Variants in SYTL3 observed in about 807,000 individuals in gnomAD.
SYTL3 encodes the protein synaptotagmin-like protein 3.
In SYTL3, 88 loss-of-function variants were observed where a neutral mutation model predicts 82.1. That is an observed-to-expected ratio of 1.07 (90% CI 0.90 to 1.28). SYTL3 has a LOEUF of 1.28. Ranked by LOEUF, SYTL3 falls within the 50% of genes most tolerant of loss-of-function variation. The probability of loss-of-function intolerance (pLI) is 0.00; values close to 1 mark genes in which losing one functional copy is unlikely to be tolerated. For missense variants in SYTL3, 831 were observed against 757.6 expected, an observed-to-expected ratio of 1.10 and a Z score of -1.14; for synonymous variants, 311 against 289.4, an observed-to-expected ratio of 1.07 and a Z score of -0.76.
intron 2 of SYTL3, among the ~76,000 whole-genome samples, chr6:158,657,238 C>T (rs562839830): frequency 1.8e-4 from 28 of 152,026 alleles, no homozygotes; most frequent in Non-Finnish European, 2.2e-4. Context: ...CCAGTCTGGC[C>T]AACATGGTGA....
chr6:158,689,437 C>T (rs1002377480), intron 6 of SYTL3, among the ~76,000 whole-genome samples: 10 of 152,216 alleles, frequency 6.6e-5, no homozygotes, highest in African/African-American at 1.4e-4. Flanking sequence ...TATGTGAAGG[C>T]GATTAGTCCT....
chr6:158,745,750 T>TAAAA, intron 12 of SYTL3, 92 bp downstream of exon 12: 6 of 799,708 alleles, frequency 7.5e-6, no homozygotes, highest in Non-Finnish European at 8.9e-6. Flanking sequence ...AGACAATTAT[T>TAAAA]AAAAAAAAAA....
intron 6 of SYTL3, among the ~76,000 whole-genome samples, chr6:158,698,387 ACT>A (rs1780788698): frequency 8.5e-6 from 1 of 117,430 alleles, no homozygotes; most frequent in South Asian, 3.1e-4. Context: ...ACAGAGTGAG[ACT>A]CTGTCTCAAA....
At chr6:158,757,533 A>G (rs1789292728) in intron 14 of SYTL3, 152 bp downstream of exon 14, 1 of 863,036 alleles carries the variant, frequency 1.2e-6, no homozygotes, top group South Asian at 1.7e-5. Flanking sequence ...TGAAATAGTT[A>G]CTTTCTTGTG....
At chr6:158,655,737 G>A (rs1010998875) in intron 2 of SYTL3, among the ~76,000 whole-genome samples, 1 of 152,174 alleles carries the variant, frequency 6.6e-6, no homozygotes, top group Admixed American at 6.5e-5. Context: ...TAGCACCGCC[G>A]TGAAGTGGGT....
At chr6:158,764,080 G>T (rs1009539723) in intron 17 of SYTL3, among the ~76,000 whole-genome samples, 1 of 152,232 alleles carries the variant, frequency 6.6e-6, no homozygotes, top group Non-Finnish European at 1.5e-5. Flanking sequence ...CTGCTCCATT[G>T]CTTTTCAAAG....
intron 5 of SYTL3, among the ~76,000 whole-genome samples, chr6:158,673,743 C>T (rs924328338): frequency 6.6e-6 from 1 of 151,186 alleles, no homozygotes; most frequent in African/African-American, 2.4e-5. Flanking sequence ...CCGCCAGGAA[C>T]AGCTTTGAAG....
intron 11 of SYTL3, among the ~76,000 whole-genome samples, chr6:158,739,105 C>G (rs1786589572): frequency 6.6e-6 from 1 of 152,246 alleles, no homozygotes; most frequent in South Asian, 2.1e-4. Context: ...TGTGTCTCAT[C>G]TAAATAGCAC....
chr6:158,702,618 C>A (rs1781448487), intron 6 of SYTL3, among the ~76,000 whole-genome samples: 1 of 152,028 alleles, frequency 6.6e-6, no homozygotes, highest in African/African-American at 2.4e-5. Flanking sequence ...TCGTTTCCCC[C>A]CGGCTTTGTA....
chr6:158,708,436 TAGA>T, intron 8 of SYTL3, 45 bp downstream of exon 8: 1 of 1,567,690 alleles, frequency 6.4e-7, no homozygotes, highest in African/African-American at 1.4e-5. Context: ...GGTCAGGGGA[TAGA>T]AGGAGAGGAA....
At chr6:158,751,805 A>T in intron 12 of SYTL3, 123 bp from the exon 13 acceptor site, 1 of 715,710 alleles carries the variant, frequency 1.4e-6, no homozygotes, top group Non-Finnish European at 2.2e-6. Flanking sequence ...CTATCAACCC[A>T]AAAATTCCAG....
chr6:158,684,034 G>A (rs929532284), intron 6 of SYTL3, among the ~76,000 whole-genome samples: 3 of 152,174 alleles, frequency 2.0e-5, no homozygotes, highest in African/African-American at 7.2e-5. Flanking sequence ...AGGAGAGAAG[G>A]GTGAATCAGG....
At chr6:158,716,223 C>T (rs939018557) in intron 9 of SYTL3, among the ~76,000 whole-genome samples, 1 of 152,218 alleles carries the variant, frequency 6.6e-6, no homozygotes, top group African/African-American at 2.4e-5. Context: ...CAGAAGCAAT[C>T]TGCATTTCTT....
chr6:158,725,829 A>T (rs2128481430), intron 11 of SYTL3, 192 bp downstream of exon 11: 1 of 808,646 alleles, frequency 1.2e-6, no homozygotes, highest in East Asian at 2.5e-5. Flanking sequence ...CGTTATCCTC[A>T]GGCCTGTGTC....
At chr6:158,756,310 G>C (rs570453205) in intron 13 of SYTL3, among the ~76,000 whole-genome samples, 1 of 152,386 alleles carries the variant, frequency 6.6e-6, no homozygotes, top group Admixed American at 6.5e-5. Context: ...TGCCAAGCCA[G>C]CACAGGCCCT....
intron 10 of SYTL3, among the ~76,000 whole-genome samples, chr6:158,719,744 C>T (rs1783847390): frequency 6.6e-6 from 1 of 152,190 alleles, no homozygotes; most frequent in African/African-American, 2.4e-5. Context: ...TTCTTACCTA[C>T]TTCATCACAT....
In SYTL3 at chr6:158,732,953, A is replaced by AG. The variant is rs1169445097; in HGVS notation, c.855+7317dup. Among the ~76,000 whole-genome samples, 56 of 116,858 alleles carry AG rather than the reference A, an allele frequency of 4.8e-4. No homozygotes were observed. In the Middle Eastern group the frequency reaches 0.02, roughly 42 times the overall value. The allele number at this position is 116,858 out of a possible 152,430, so 76.7% of individuals were successfully genotyped here. On this transcript the variant is annotated intron_variant, in intron 11 of 17. Coordinates refer to ENST00000611299, the MANE Select transcript of SYTL3 (RefSeq NM_001242394.2). ...CAAAACATGTTTTAAAAGTTTAAAAAGAAAAAAAAAAAAAACACTGTAAAA... is the reference window on the plus strand; with the variant it reads ...CAAAACATGTTTTAAAAGTTTAAAAAGGAAAAAAAAAAAAAACACTGTAAAA...
rs79950483 is a variant in SYTL3 at position 158,688,236 on chromosome 6, C to T, written c.394+5247C>T. 8.4e-3 allele frequency among the ~76,000 whole-genome samples: 1,284 copies of T among 152,238 alleles called. 9 individuals carry two copies. Among genetic ancestry groups the T allele is most frequent in the South Asian group, 0.02 (99 of 4,830 alleles). On this transcript the variant is annotated intron_variant, in intron 6 of 17. Coordinates refer to ENST00000611299, the MANE Select transcript of SYTL3 (RefSeq NM_001242394.2). ...ATGTTATAGATAACTCTGTGATGAA[C>T]GTCTTGTACAGGTATTTTGACATGT...
chr6:158,670,807 A>ATTT (rs35123978), intron 5 of SYTL3, among the ~76,000 whole-genome samples: 14 of 147,490 alleles, frequency 9.5e-5, no homozygotes, highest in Non-Finnish European at 1.6e-4. Context: ...TGTACAGAGT[A>ATTT]TTTTTTTTTT....
Sources: allele counts gnomAD v4.1 joint callset (sites outside exome capture counted in the v4.1 genomes callset), GRCh38; gene constraint gnomAD v4.1.1; transcripts MANE v1.5; gene names NCBI Gene and HGNC (gene_info 2026-07-23, HGNC 2026-07-21).